Variants in ASTN2 observed in about 807,000 individuals in gnomAD.
ASTN2 encodes the protein astrotactin-2.
ASTN2 carries 54 observed loss-of-function variants against 139.8 expected under a neutral mutation model. That is an observed-to-expected ratio of 0.39 (90% confidence interval 0.31 to 0.48). The LOEUF (loss-of-function observed/expected upper bound fraction) is 0.48. ASTN2 is among the 20% of genes least tolerant of loss of function. The pLI is 0.95. For missense variants in ASTN2, 1,565 were observed against 1,725.1 expected (o/e 0.91, Z 1.64); for synonymous variants, 756 against 719.5 (o/e 1.05, Z -0.81).
chr9:116,517,620 T>C (rs1005070413), intron 19 of ASTN2, among the ~76,000 whole-genome samples: 3 of 152,218 alleles, frequency 2.0e-5, no homozygotes, highest in Admixed American at 6.5e-5. Context: ...TAAAAGATGA[T>C]ACTGGTTCAC....
intron 3 of ASTN2, among the ~76,000 whole-genome samples, chr9:117,164,071 A>G (rs1281027384): frequency 1.3e-5 from 2 of 150,126 alleles, no homozygotes; most frequent in Non-Finnish European, 3.0e-5. Context: ...TTTGATTGAT[A>G]AACAATTGGT....
rs1366459235 is a variant in ASTN2 at position 117,003,947 on chromosome 9, C to CGT, written c.1591+4144_1591+4145insAC. On this transcript the variant is annotated intron_variant, in intron 7 of 22. Transcript: ENST00000313400. ...AGAATTTGTGTTTCTTTCACGCGCG[C>CGT]GCGCGCGTGTGTGTGTGTGTGTGTG... 1.0e-3 allele frequency among the ~76,000 whole-genome samples: 134 copies of CGT among 130,610 alleles called. 3 individuals are homozygous for CGT. Among genetic ancestry groups the CGT allele is most frequent in the African/African-American group, 4.4e-3 (129 of 29,334 alleles). 85.7% of individuals were successfully genotyped at this position (130,610 alleles called of 152,430 possible).
intron 2 of ASTN2, among the ~76,000 whole-genome samples, chr9:117,242,064 A>G (rs1833231765): frequency 7.5e-6 from 1 of 133,456 alleles, no homozygotes; most frequent in African/African-American, 2.9e-5. Context: ...AGACAAAATG[A>G]GACTCATCTG....
chr9:116,515,041 C>A (rs866634006), intron 19 of ASTN2, among the ~76,000 whole-genome samples: 2 of 152,116 alleles, frequency 1.3e-5, no homozygotes, highest in South Asian at 4.1e-4. Flanking sequence ...GAGATGAACC[C>A]AATACCTCAG....
chr9:117,116,787 AGTGT>A (rs141528448), intron 4 of ASTN2, among the ~76,000 whole-genome samples: 10 of 112,462 alleles, frequency 8.9e-5, no homozygotes, highest in African/African-American at 3.4e-4. Flanking sequence ...TCTCTGTGTG[AGTGT>A]GTGTGTGTGT....
chr9:117,015,413 T>G (rs1837646474), intron 6 of ASTN2, among the ~76,000 whole-genome samples: 1 of 152,188 alleles, frequency 6.6e-6, no homozygotes, highest in Non-Finnish European at 1.5e-5. Context: ...GAATCACTTC[T>G]CAGAATAAAG....
chr9:116,928,596 A>C (rs1441779862), intron 10 of ASTN2, among the ~76,000 whole-genome samples: 1 of 152,158 alleles, frequency 6.6e-6, no homozygotes, highest in Non-Finnish European at 1.5e-5. Context: ...TAAATCATAC[A>C]CTCCATGAGT....
At chr9:117,259,293 T>C (rs866686554) in intron 2 of ASTN2, among the ~76,000 whole-genome samples, 13 of 152,128 alleles carry the variant, frequency 8.5e-5, no homozygotes, top group Middle Eastern at 3.2e-3. Context: ...ATACAACCAA[T>C]GTATAAGCCA....
chr9:116,514,802 G>A (rs900542103), intron 19 of ASTN2, among the ~76,000 whole-genome samples: 2 of 152,184 alleles, frequency 1.3e-5, no homozygotes, highest in Non-Finnish European at 2.9e-5. Flanking sequence ...ATCCTGGTGC[G>A]GGATATAAAC....
At chr9:117,316,894 T>C (rs1828161317) in intron 1 of ASTN2, among the ~76,000 whole-genome samples, 1 of 152,168 alleles carries the variant, frequency 6.6e-6, no homozygotes, top group Non-Finnish European at 1.5e-5. Flanking sequence ...CCAAGAAAGA[T>C]GCAGTGAGGC....
intron 17 of ASTN2, among the ~76,000 whole-genome samples, chr9:116,621,513 C>A (rs1856153955): frequency 6.6e-6 from 1 of 152,082 alleles, no homozygotes; most frequent in African/African-American, 2.4e-5. Flanking sequence ...CCAATTTACT[C>A]TTTGGGTCTC....
chr9:117,358,768 C>T (rs1023802876), intron 1 of ASTN2, among the ~76,000 whole-genome samples: 2 of 152,148 alleles, frequency 1.3e-5, no homozygotes, highest in Non-Finnish European at 2.9e-5. Flanking sequence ...AACTGTTCAA[C>T]AGCCTCCCTC....
At chr9:116,905,885 T>A (rs1047841930) in intron 10 of ASTN2, among the ~76,000 whole-genome samples, 1 of 88,174 alleles carries the variant, frequency 1.1e-5, no homozygotes, top group Non-Finnish European at 2.2e-5. Context: ...GTGCGGGGGG[T>A]GTGCCGTTTA....
chr9:116,967,498 C>A (rs1308689462), intron 10 of ASTN2, among the ~76,000 whole-genome samples: 1 of 152,180 alleles, frequency 6.6e-6, no homozygotes, highest in Admixed American at 6.5e-5. Context: ...GCATGATGGA[C>A]TTGAGAGTCT....
At chr9:116,794,877 G>A (rs10983349) in intron 13 of ASTN2, among the ~76,000 whole-genome samples, 34,169 of 152,192 alleles carry the variant, frequency 0.22, 4,570 homozygotes, top group Middle Eastern at 0.37. Flanking sequence ...GTCCAGCAAG[G>A]CTTGCTGGTT....
chr9:117,163,163 C>T (rs145363566), intron 3 of ASTN2, among the ~76,000 whole-genome samples: 66 of 152,158 alleles, frequency 4.3e-4, no homozygotes, highest in African/African-American at 1.4e-3. Flanking sequence ...AGAAAGCAAG[C>T]AAGTTTCACC....
At chr9:116,518,191 C>T (rs923575578) in intron 19 of ASTN2, among the ~76,000 whole-genome samples, 1 of 152,144 alleles carries the variant, frequency 6.6e-6, no homozygotes, top group Non-Finnish European at 1.5e-5. Context: ...AGATCATCGC[C>T]TAGGCACACA....
At chr9:116,729,680 CT>C (rs1268685099) in intron 14 of ASTN2, among the ~76,000 whole-genome samples, 1 of 152,170 alleles carries the variant, frequency 6.6e-6, no homozygotes, top group Non-Finnish European at 1.5e-5. Flanking sequence ...TTGCTGACCC[CT>C]ATGTAGACTA....
intron 10 of ASTN2, among the ~76,000 whole-genome samples, chr9:116,951,337 CAAAAAAAAA>C (rs386416039): frequency 1.5e-3 from 52 of 34,068 alleles, no homozygotes; most frequent in African/African-American, 4.3e-3. Flanking sequence ...AACTCTGTCT[CAAAAAAAAA>C]AAAAAAAAAA....
Sources: gnomAD v4.1 joint callset for allele counts (sites outside exome capture counted in the v4.1 genomes callset) on GRCh38, gnomAD v4.1.1 for gene constraint, MANE v1.5 for transcripts, NCBI Gene and HGNC (gene_info 2026-07-23, HGNC 2026-07-21) for gene names.